DCC: variants seen among roughly 807,000 people sequenced by gnomAD.
DCC encodes netrin receptor DCC.
A neutral mutation model predicts 172.5 loss-of-function variants in DCC; 58 were observed. That is an observed-to-expected ratio of 0.34 (90% CI 0.27 to 0.42). DCC has a LOEUF of 0.42. Among genes scored for constraint, DCC ranks in the 10% least tolerant of loss-of-function variants. The probability of loss-of-function intolerance (pLI) is 1.00; values close to 1 mark genes in which losing one functional copy is unlikely to be tolerated. For missense variants in DCC, 1,740 were observed against 1,791.0 expected (o/e 0.97, Z 0.51); for synonymous variants, 709 against 644.5 (o/e 1.10, Z -1.52).
intron 13 of DCC, among the ~76,000 whole-genome samples, chr18:53,309,986 T>C (rs2144795162): frequency 1.2e-5 from 1 of 81,028 alleles, no homozygotes; most frequent in Non-Finnish European, 2.5e-5. Flanking sequence ...ATATATACTC[T>C]TTCTAAATTT....
rs1414339549 is a variant in DCC at position 53,532,922 on chromosome 18, T to C, written c.*2269T>C. On this transcript the variant is annotated 3_prime_UTR_variant, in exon 29 of 29. Coordinates refer to ENST00000442544, the MANE Select transcript of DCC (RefSeq NM_005215.4). The stretch of plus-strand genomic sequence containing the variant: ...ATTTTTAAAAATCCATTTAAATACA[T>C]GTTATTTGTCTTCAGTGGAAGTTAT... 6.6e-6 allele frequency: 1 copy of C among 152,202 alleles called. No homozygotes were observed. Among genetic ancestry groups the C allele is most frequent in the East Asian group, 1.9e-4 (1 of 5,200 alleles). 9.4% of individuals were successfully genotyped at this position (152,202 alleles called of 1,614,324 possible). A position where few individuals can be genotyped will look rare whatever the true frequency, so the allele number is the denominator to read the frequency against.
chr18:53,348,842 G>A (rs551343621), intron 15 of DCC, among the ~76,000 whole-genome samples: 18 of 152,136 alleles, frequency 1.2e-4, no homozygotes, highest in African/African-American at 1.7e-4. Context: ...CACAGCACAG[G>A]GACCCTGGGC....
chr18:52,985,495 G>A (rs996588672), intron 5 of DCC, among the ~76,000 whole-genome samples: 1 of 151,934 alleles, frequency 6.6e-6, no homozygotes, highest in African/African-American at 2.4e-5. Context: ...AAGCTTTTAC[G>A]ATATTCTAGG....
At chr18:52,584,457 T>A (rs2033625117) in intron 1 of DCC, among the ~76,000 whole-genome samples, 2 of 152,114 alleles carry the variant, frequency 1.3e-5, no homozygotes, top group Admixed American at 1.3e-4. Context: ...CCAAGCTGAT[T>A]GAAGCAAAGC....
intron 2 of DCC, among the ~76,000 whole-genome samples, chr18:52,887,843 C>T (rs114237476): frequency 0.017 from 2,617 of 152,186 alleles, 57 homozygotes; most frequent in African/African-American, 0.046. Flanking sequence ...CTGTATCAGC[C>T]CAAACCATCT....
At chr18:53,316,925 G>T in intron 13 of DCC, among the ~76,000 whole-genome samples, 1 of 152,160 alleles carries the variant, frequency 6.6e-6, no homozygotes, top group South Asian at 2.1e-4. Flanking sequence ...CTTCCTATCT[G>T]AATACCCTTT....
intron 2 of DCC, among the ~76,000 whole-genome samples, chr18:52,871,692 C>T (rs1168060960): frequency 6.6e-6 from 1 of 152,134 alleles, no homozygotes; most frequent in African/African-American, 2.4e-5. Flanking sequence ...TGGGCTCAAG[C>T]AGTCATCCTA....
intron 5 of DCC, among the ~76,000 whole-genome samples, chr18:53,052,380 C>T (rs1022468144): frequency 2.0e-5 from 3 of 152,062 alleles, no homozygotes; most frequent in African/African-American, 7.2e-5. Context: ...TCTCTCTCTT[C>T]TCTTCCTCCC....
chr18:53,086,797 T>G (rs1323513120), intron 7 of DCC, among the ~76,000 whole-genome samples: 1 of 109,254 alleles, frequency 9.2e-6, no homozygotes, highest in Non-Finnish European at 1.7e-5. Flanking sequence ...TTCCCCTTCC[T>G]GTGTCCATGT....
intron 2 of DCC, among the ~76,000 whole-genome samples, chr18:52,861,373 A>T (rs2039139972): frequency 6.6e-6 from 1 of 152,356 alleles, no homozygotes; most frequent in East Asian, 1.9e-4. Context: ...TTACAGTCAA[A>T]GCCATTACCA....
At chr18:52,629,716 C>T (rs146648923) in intron 1 of DCC, among the ~76,000 whole-genome samples, 4,193 of 151,782 alleles carry the variant, frequency 0.028, 187 homozygotes, top group African/African-American at 0.096. Flanking sequence ...TTTGGGAGGC[C>T]GAGGCGGGCA....
intron 27 of DCC, among the ~76,000 whole-genome samples, chr18:53,501,419 T>C (rs2046095804): frequency 1.3e-5 from 2 of 152,342 alleles, no homozygotes; most frequent in Admixed American, 1.3e-4. Flanking sequence ...GTCTAACTTG[T>C]TTAATAAGAA....
chr18:53,155,953 C>A (rs1465268021), intron 7 of DCC, among the ~76,000 whole-genome samples: 1 of 152,046 alleles, frequency 6.6e-6, no homozygotes, highest in African/African-American at 2.4e-5. Context: ...TGTATCAGAA[C>A]AGTGTAAACA....
intron 2 of DCC, among the ~76,000 whole-genome samples, chr18:52,776,820 G>A (rs189156281): frequency 5.3e-5 from 8 of 152,258 alleles, no homozygotes; most frequent in African/African-American, 1.7e-4. Flanking sequence ...CTGCAAACTA[G>A]TTATTTAAAC....
At position 52,767,162 on chromosome 18, in the gene DCC, A is replaced by G. The variant is rs185602336; in HGVS notation, c.412+14788A>G. Among the ~76,000 whole-genome samples the G allele has an allele frequency of 1.3e-4, 19 of 151,886 alleles. No individual in the cohort carries two copies. The East Asian group carries it at 3.7e-3, about 29-fold the overall frequency. On this transcript the variant is annotated intron_variant, in intron 2 of 28. Transcript: ENST00000442544. ...TCTTTTTAAAGTTCTTAGCACCAAT[A>G]TTGTAGGATCAATACTTCTGCCTGA...
chr18:53,466,824 C>A (rs1002889404), intron 24 of DCC, among the ~76,000 whole-genome samples: 2 of 152,130 alleles, frequency 1.3e-5, no homozygotes, highest in Non-Finnish European at 2.9e-5. Flanking sequence ...CCATGCCTGG[C>A]CAGGTTTGCG....
At chr18:52,837,881 G>A (rs2038736506) in intron 2 of DCC, among the ~76,000 whole-genome samples, 1 of 152,184 alleles carries the variant, frequency 6.6e-6, no homozygotes, top group African/African-American at 2.4e-5. Context: ...GACTGGGGAG[G>A]CTTTGGGAAA....
At chr18:52,677,846 G>A (rs748927964) in intron 1 of DCC, among the ~76,000 whole-genome samples, 2 of 152,140 alleles carry the variant, frequency 1.3e-5, no homozygotes, top group Non-Finnish European at 2.9e-5. Flanking sequence ...CGTTGAGCAA[G>A]TATATTAATA....
intron 27 of DCC, among the ~76,000 whole-genome samples, chr18:53,506,066 T>C (rs1055148704): frequency 5.3e-5 from 8 of 152,238 alleles, no homozygotes; most frequent in African/African-American, 1.7e-4. Context: ...GAAGTAACTT[T>C]GACCAGCATT....
Sources: gnomAD v4.1 joint callset for allele counts (sites outside exome capture counted in the v4.1 genomes callset) on GRCh38, gnomAD v4.1.1 for gene constraint, MANE v1.5 for transcripts, NCBI Gene and HGNC (gene_info 2026-07-23, HGNC 2026-07-21) for gene names.